The following C3 variants were observed in gnomAD, a reference collection of about 807,000 sequenced individuals.
C3 encodes complement C3.
In C3, 97 loss-of-function variants were observed where a neutral mutation model predicts 207.9. The observed-to-expected ratio is 0.47, with a 90% confidence interval of 0.40 to 0.55. C3 has a LOEUF of 0.55. C3 is among the 20% of genes least tolerant of loss of function. C3 has a pLI of 0.00. For synonymous variants in C3, 848 were observed against 857.6 expected (o/e 0.99, Z 0.20); for missense variants, 1,684 against 2,171.7 (o/e 0.78, Z 4.46).
chr19:6,713,365 G>A (rs770280210), intron 8 of C3, 42 bp downstream of exon 8: 19 of 1,613,706 alleles, frequency 1.2e-5, no homozygotes, highest in Middle Eastern at 1.6e-4. Context: ...CAGAGGTGGC[G>A]GGGACTGGGG....
At chr19:6,709,317 G>A (rs1967854768) in intron 14 of C3, among the ~76,000 whole-genome samples, 1 of 152,122 alleles carries the variant, frequency 6.6e-6, no homozygotes, top group Admixed American at 6.6e-5. Flanking sequence ...GCGTGGTGAT[G>A]GGCACCTGTA....
chr19:6,679,474 G>A lies in C3; in HGVS notation c.4479C>T (p.Tyr1493=), dbSNP rs772171173. ...GCTTTCCATCCTCCTTTTCCGGATG[G>A]TAGAACCGGGTACAGCTTTCCTCTG... ...YNLEESCTRF[Y]HPEKEDGKLN... is the part of the protein sequence containing the mutation. Residue 1493 remains tyrosine (Y), a synonymous_variant, in exon 37 of 41, where the codon TAC becomes TAT. Transcript: ENST00000245907. 3 of 1,613,298 alleles carry A rather than the reference G, an allele frequency of 1.9e-6. No individual in the cohort carries two copies. Among genetic ancestry groups the A allele is most frequent in the Non-Finnish European group, 2.5e-6 (3 of 1,179,230 alleles).
In C3 at chr19:6,710,675, G is replaced by T. The variant is rs138835619; in HGVS notation, c.1650C>A (p.Ser550=). The change falls in exon 13 of 41, where the codon TCC becomes TCA. Residue 550 remains serine (S), a synonymous_variant. Transcript: ENST00000245907. ...ASGQREVVAD[S]VWVDVKDSCV... Reference sequence around the variant, plus strand: ...AGGAGTCCTTGACGTCCACCCACACGGAGTCGGCCACCACCTCCCTCTGGC... The same window carrying T: ...AGGAGTCCTTGACGTCCACCCACACTGAGTCGGCCACCACCTCCCTCTGGC... 6.2e-7 allele frequency: 1 copy of T among 1,613,348 alleles called. No homozygotes were observed. The highest frequency in any genetic ancestry group is 8.5e-7 in the Non-Finnish European group (1 of 1,179,872).
In C3 at chr19:6,696,670, T is replaced by C. The variant is rs202065065; in HGVS notation, c.2797-11A>G. 1 of 1,612,700 alleles carries C rather than the reference T, an allele frequency of 6.2e-7. No homozygotes were observed. Among genetic ancestry groups the C allele is most frequent in the East Asian group, 2.2e-5 (1 of 44,854 alleles). ...TCTGATTCCTTCCGGCTACGCAGTG[T>C]TAGAGGTGGGGGGAGTCGTTGGATG... On this transcript the variant is annotated splice_polypyrimidine_tract_variant and intron_variant, in intron 21 of 40. Coordinates refer to ENST00000245907, the MANE Select transcript of C3 (RefSeq NM_000064.4).
In C3 at chr19:6,679,214, G is replaced by A. The variant is rs1189797026; in HGVS notation, c.4547-6C>T. Reference sequence around the variant, plus strand: ...CTTTTGTATGAAGCAATTCTCTGCAGGGTGGGGTGGAGACAGGGTCTAAGT... The same window carrying A: ...CTTTTGTATGAAGCAATTCTCTGCAAGGTGGGGTGGAGACAGGGTCTAAGT... On this transcript the variant is annotated splice_polypyrimidine_tract_variant and splice_region_variant and intron_variant, in intron 37 of 40. Transcript: ENST00000245907. The A allele has an allele frequency of 6.2e-7, 1 of 1,613,360 alleles. No individual in the cohort carries two copies. The highest frequency in any genetic ancestry group is 2.2e-5 in the East Asian group (1 of 44,888).
chr19:6,713,758 G>C (rs1164210118), intron 7 of C3: 2 of 270,030 alleles, frequency 7.4e-6, no homozygotes, highest in Admixed American at 6.3e-5. Context: ...CCCACTCCCA[G>C]CCCCCACCTG....
At chr19:6,714,604 G>A (rs1426891798) in intron 4 of C3, among the ~76,000 whole-genome samples, 158 bp from the exon 5 acceptor site, 1 of 152,246 alleles carries the variant, frequency 6.6e-6, no homozygotes, top group Non-Finnish European at 1.5e-5. Flanking sequence ...GCTCACGCCT[G>A]TCATCCCAGC....
At chr19:6,690,588 C>CCAA in intron 27 of C3, 41 bp downstream of exon 27, 1 of 1,520,926 alleles carries the variant, frequency 6.6e-7, no homozygotes, top group South Asian at 1.1e-5. Context: ...TGCTCTGCAT[C>CCAA]GGGTAAGGTA....
intron 35 of C3, 123 bp downstream of exon 35, chr19:6,681,818 C>T: frequency 1.3e-6 from 1 of 799,916 alleles, no homozygotes; most frequent in South Asian, 1.4e-5. Context: ...AGCACAGACC[C>T]TGTCTCCTCT....
At chr19:6,710,446 A>G (rs1364562407) in intron 13 of C3, among the ~76,000 whole-genome samples, 193 bp downstream of exon 13, 5 of 149,032 alleles carry the variant, frequency 3.4e-5, no homozygotes, top group Non-Finnish European at 7.4e-5. Context: ...AGATGTAGAG[A>G]GAGGGAAAGA....
intron 19 of C3, 93 bp from the exon 20 acceptor site, chr19:6,697,887 G>C: frequency 3.1e-6 from 4 of 1,293,186 alleles, no homozygotes; most frequent in Non-Finnish European, 1.1e-6. Context: ...CTCCGCAGGA[G>C]CTCTCCCTAA....
chr19:6,709,617 C>CCA, intron 14 of C3, 67 bp downstream of exon 14: 1 of 1,077,926 alleles, frequency 9.3e-7, no homozygotes, highest in Non-Finnish European at 1.4e-6. Flanking sequence ...CCAGTCCCAC[C>CCA]CACCTCCCCC....
At chr19:6,707,334 C>T (rs1967802994) in intron 16 of C3, 61 bp from the exon 17 acceptor site, 3 of 1,599,812 alleles carry the variant, frequency 1.9e-6, no homozygotes, top group Non-Finnish European at 1.7e-6. Context: ...GCAGGAGGGA[C>T]GCGGGACGGA....
At chr19:6,714,551 G>GTAGACAC in intron 4 of C3, 105 bp from the exon 5 acceptor site, 2 of 822,362 alleles carry the variant, frequency 2.4e-6, no homozygotes, top group Non-Finnish European at 4.1e-6. Context: ...TCTGTGCACA[G>GTAGACAC]TGTCTACTGT....
chr19:6,705,196 TCCATGTGGATGTAAA>T (rs1967747879), intron 17 of C3, among the ~76,000 whole-genome samples: 2 of 152,204 alleles, frequency 1.3e-5, no homozygotes, highest in South Asian at 4.1e-4. Context: ...CAGCCCACCA[TCCATGTGGATGTAAA>T]CCATATTTCA....
intron 33 of C3, chr19:6,683,253 T>C (rs1490024866): frequency 6.6e-6 from 1 of 152,084 alleles, no homozygotes; most frequent in African/African-American, 2.4e-5. Context: ...TACTCCATGT[T>C]GTAAATTATA....
At chr19:6,704,458 A>T (rs1967732795) in intron 17 of C3, among the ~76,000 whole-genome samples, 1 of 152,118 alleles carries the variant, frequency 6.6e-6, no homozygotes, top group South Asian at 2.1e-4. Context: ...TAAAAAATAT[A>T]TATATTTTAA....
In C3 at chr19:6,686,195, CAA is replaced by C. The variant is rs1568212112; in HGVS notation, c.3737_3738del (p.Phe1246Ter). ...CAACGCACGACGGGAGGCACAAAGT[CAA>C]AGTCTTTTAGCTGCAGTAGGGCCAA... ...ALLALLQLKD[F>X]DFVPPVVRWL... On this transcript the variant is annotated frameshift_variant, in exon 29 of 41. Transcript: ENST00000245907. LOFTEE classifies it high-confidence loss of function. 20 of 1,614,166 alleles carry C rather than the reference CAA, an allele frequency of 1.2e-5. No homozygotes were observed. Among genetic ancestry groups the C allele is most frequent in the Non-Finnish European group, 1.6e-5 (19 of 1,180,030 alleles).
intron 17 of C3, among the ~76,000 whole-genome samples, chr19:6,705,152 G>A (rs1448654910): frequency 6.6e-6 from 1 of 151,864 alleles, no homozygotes; most frequent in Non-Finnish European, 1.5e-5. Context: ...ACCCCCAATG[G>A]GCCAAAGGAA....
Sources: gnomAD v4.1 joint callset for allele counts (sites outside exome capture counted in the v4.1 genomes callset) on GRCh38, gnomAD v4.1.1 for gene constraint, MANE v1.5 for transcripts, NCBI Gene and HGNC (gene_info 2026-07-23, HGNC 2026-07-21) for gene names.